Variants in MAPRE2 observed in about 807,000 individuals in gnomAD.
MAPRE2 encodes microtubule-associated protein RP/EB family member 2.
In MAPRE2, 13 loss-of-function variants were observed where a neutral mutation model predicts 43.2. That is an observed-to-expected ratio of 0.30 (90% CI 0.20 to 0.48). The LOEUF is 0.48. MAPRE2 is among the 20% of genes least tolerant of loss of function. The pLI, the probability that MAPRE2 is intolerant of heterozygous loss-of-function variation, is 0.99. For synonymous variants in MAPRE2, 135 were observed against 148.8 expected, an observed-to-expected ratio of 0.91 and a Z score of 0.68; for missense variants, 161 against 400.2, an observed-to-expected ratio of 0.40 and a Z score of 5.10.
Position 35,002,697 on chromosome 18 carries a change from G to A in MAPRE2, c.-69-2795G>A, listed in dbSNP as rs116364559. On this transcript the variant is annotated intron_variant, in intron 1 of 7. Transcript: ENST00000413393. ...TACCATTTAATATTATTTGCTTTCCGTATATGTATATCCTCTTCAGTTAAA... is the reference window on the plus strand; with the variant it reads ...TACCATTTAATATTATTTGCTTTCCATATATGTATATCCTCTTCAGTTAAA... 8.1e-3 allele frequency among the ~76,000 whole-genome samples: 1,232 copies of A among 152,132 alleles called. 17 individuals carry two copies. Among genetic ancestry groups the A allele is most frequent in the African/African-American group, 0.028 (1,164 of 41,474 alleles).
At position 35,093,211 on chromosome 18, in the gene MAPRE2, CAAAAAAAAAA is replaced by C. The variant is rs56833433; in HGVS notation, c.251-4217_251-4208del. Among the ~76,000 whole-genome samples the C allele has an allele frequency of 9.6e-5, 5 of 52,272 alleles. No homozygotes were observed. The Admixed American group carries it at 1.2e-3, about 12-fold the overall frequency. The allele number at this position is 52,272 out of a possible 152,430, so 34.3% of individuals were successfully genotyped here. ...TAGGAGACAGAGCAAGACCCTGTCT[CAAAAAAAAAA>C]AAAAAAAAAAAAAAAAAGGAATGGC... On this transcript the variant is annotated intron_variant, in intron 2 of 6. Coordinates refer to ENST00000300249, the MANE Select transcript of MAPRE2 (RefSeq NM_014268.4).
intron 1 of MAPRE2, among the ~76,000 whole-genome samples, chr18:35,055,272 T>G (rs1045537217): frequency 6.6e-6 from 1 of 152,178 alleles, no homozygotes; most frequent in Admixed American, 6.5e-5. Context: ...AGACCCTTCC[T>G]TGTCTCTTCC....
At chr18:35,053,335 A>G (rs1906048998) in intron 1 of MAPRE2, among the ~76,000 whole-genome samples, 1 of 152,206 alleles carries the variant, frequency 6.6e-6, no homozygotes, top group South Asian at 2.1e-4. Flanking sequence ...TGAAGGTTGC[A>G]GTGAGCCAAG....
chr18:35,094,086 T>C (rs887838095), intron 2 of MAPRE2, among the ~76,000 whole-genome samples: 2 of 152,130 alleles, frequency 1.3e-5, no homozygotes, highest in Admixed American at 1.3e-4. Flanking sequence ...TTGCAGCCAC[T>C]TGGGAAAAAA....
chr18:35,074,097 T>A (rs1378763942), intron 2 of MAPRE2, among the ~76,000 whole-genome samples: 1 of 152,238 alleles, frequency 6.6e-6, no homozygotes, highest in Non-Finnish European at 1.5e-5. Context: ...GGGCTATCAA[T>A]GAATGTGAAT....
At chr18:35,011,106 C>T (rs1443119445) in intron 2 of MAPRE2, among the ~76,000 whole-genome samples, 1 of 152,028 alleles carries the variant, frequency 6.6e-6, no homozygotes, top group Non-Finnish European at 1.5e-5. Context: ...GAGATATGGC[C>T]CACTGCAGGG....
intron 4 of MAPRE2, 152 bp downstream of exon 4, chr18:35,102,311 T>C: frequency 1.7e-6 from 1 of 576,390 alleles, no homozygotes; most frequent in Non-Finnish European, 2.9e-6. Context: ...TTTCACCACA[T>C]TTATCTTCCT....
At chr18:35,013,438 T>A (rs916038877) in intron 2 of MAPRE2, among the ~76,000 whole-genome samples, 2 of 152,234 alleles carry the variant, frequency 1.3e-5, no homozygotes, top group Non-Finnish European at 2.9e-5. Flanking sequence ...TACATAGTGA[T>A]GTTTTGATAT....
chr18:35,054,946 C>A (rs1180831329), intron 1 of MAPRE2, among the ~76,000 whole-genome samples: 1 of 151,668 alleles, frequency 6.6e-6, no homozygotes, highest in African/African-American at 2.4e-5. Flanking sequence ...TGACCGAAGT[C>A]GAAGTTCTTG....
In MAPRE2 at chr18:35,081,076, A is replaced by G. The variant is rs541697514; in HGVS notation, c.250+10754A>G. Reference sequence around the variant, plus strand: ...CTAGATTACATTTGTATGACAGCTCATGGAAGAACTTTACAAAAGTGTAGA... The same window carrying G: ...CTAGATTACATTTGTATGACAGCTCGTGGAAGAACTTTACAAAAGTGTAGA... On this transcript the variant is annotated intron_variant, in intron 2 of 6. Transcript: ENST00000300249. Among the ~76,000 whole-genome samples, 12 of 152,362 alleles carry G rather than the reference A, an allele frequency of 7.9e-5. No homozygotes were observed. In the East Asian group the frequency reaches 2.3e-3, roughly 29 times the overall value.
In MAPRE2 at chr18:35,055,537, C is replaced by CTCTGTGTGTG. The variant is rs1555914066; in HGVS notation, c.122+13877_122+13878insCTGTGTGTGT. On this transcript the variant is annotated intron_variant, in intron 1 of 6. Coordinates refer to ENST00000300249, the MANE Select transcript of MAPRE2 (RefSeq NM_014268.4). Reference sequence around the variant, plus strand: ...TCTTGCAGGGACACTATTCAGTTCTCTGTGTGTGTGTGTGTGTGTGTGTGT... The same window carrying CTCTGTGTGTG: ...TCTTGCAGGGACACTATTCAGTTCTCTCTGTGTGTGTGTGTGTGTGTGTGTGTGTGTGTGT... Among the ~76,000 whole-genome samples, 44 of 146,696 alleles carry CTCTGTGTGTG rather than the reference C, an allele frequency of 3.0e-4. 1 individual carries two copies. Among genetic ancestry groups the CTCTGTGTGTG allele is most frequent in the South Asian group, 1.1e-3 (5 of 4,626 alleles).
At chr18:34,985,014 G>A (rs1274529822) in intron 1 of MAPRE2, among the ~76,000 whole-genome samples, 19 of 46,260 alleles carry the variant, frequency 4.1e-4, no homozygotes, top group African/African-American at 1.2e-3. Context: ...TATATTTTAT[G>A]TTATATAATA....
intron 4 of MAPRE2, among the ~76,000 whole-genome samples, chr18:35,117,409 T>C (rs1909464238): frequency 6.6e-6 from 1 of 152,240 alleles, no homozygotes; most frequent in South Asian, 2.1e-4. Flanking sequence ...TTGCTAGTTA[T>C]TGGTCAACAG....
intron 1 of MAPRE2, among the ~76,000 whole-genome samples, chr18:34,985,411 A>ATT (rs2097019797): frequency 3.1e-5 from 1 of 32,158 alleles, no homozygotes; most frequent in Admixed American, 6.2e-4. Flanking sequence ...AATATATTAT[A>ATT]AATATAATAT....
At chr18:35,122,468 C>T (rs1909723148) in intron 4 of MAPRE2, among the ~76,000 whole-genome samples, 1 of 152,206 alleles carries the variant, frequency 6.6e-6, no homozygotes, top group African/African-American at 2.4e-5. Context: ...CCTCATGCAT[C>T]ATTTATTTTC....
intron 2 of MAPRE2, among the ~76,000 whole-genome samples, chr18:35,012,634 C>T (rs555886318): frequency 2.5e-4 from 38 of 152,146 alleles, no homozygotes; most frequent in Non-Finnish European, 4.4e-4. Context: ...AAGTGAAATA[C>T]ACCAGTCACA....
At chr18:35,113,710 T>G (rs1419046867) in intron 4 of MAPRE2, among the ~76,000 whole-genome samples, 1 of 152,100 alleles carries the variant, frequency 6.6e-6, no homozygotes, top group Admixed American at 6.6e-5. Flanking sequence ...CTGGGCAACA[T>G]GGCAAAACCC....
chr18:35,071,791 T>C (rs927704354), intron 2 of MAPRE2, among the ~76,000 whole-genome samples: 2 of 152,196 alleles, frequency 1.3e-5, no homozygotes, highest in African/African-American at 4.8e-5. Context: ...AGCACTAACT[T>C]TGAGTATGAT....
chr18:34,985,344 T>TTA (rs2097019568), intron 1 of MAPRE2, among the ~76,000 whole-genome samples: 1 of 44,596 alleles, frequency 2.2e-5, no homozygotes, highest in Non-Finnish European at 3.6e-5. Flanking sequence ...ATATAATATA[T>TTA]TATATTATAT....
Sources: allele counts gnomAD v4.1 joint callset (sites outside exome capture counted in the v4.1 genomes callset), GRCh38; gene constraint gnomAD v4.1.1; transcripts MANE v1.5; gene names NCBI Gene and HGNC (gene_info 2026-07-23, HGNC 2026-07-21).